Variants in CRTAC1 observed in about 807,000 individuals in gnomAD.
CRTAC1 encodes acidic secreted protein in cartilage.
In CRTAC1, 37 loss-of-function variants were observed where a neutral mutation model predicts 67.8. The ratio of observed to expected loss-of-function variants is 0.55; its 90% CI spans 0.42 to 0.72. The LOEUF is 0.72. Among genes scored for constraint, CRTAC1 ranks in the 30% least tolerant of loss-of-function variants. The pLI is 0.00. For synonymous variants in CRTAC1, 348 were observed against 371.0 expected (o/e 0.94, Z 0.71); for missense variants, 780 against 931.6 (o/e 0.84, Z 2.12).
chr10:98,012,039 C>G (rs1054160229), intron 1 of CRTAC1, among the ~76,000 whole-genome samples: 4 of 152,122 alleles, frequency 2.6e-5, no homozygotes, highest in African/African-American at 7.2e-5. Flanking sequence ...ACATCCCTCC[C>G]TAGGGCAGCT....
intron 2 of CRTAC1, among the ~76,000 whole-genome samples, chr10:97,944,094 G>A (rs1446432535): frequency 1.3e-5 from 2 of 152,168 alleles, no homozygotes; most frequent in Non-Finnish European, 2.9e-5. Flanking sequence ...GATGGCGACT[G>A]TAAGGCAAGA....
rs1018036916 is a variant in CRTAC1, at chr10:97,932,792, GT to G, written c.421+3377del. Among the ~76,000 whole-genome samples, 12 of 152,338 alleles carry G rather than the reference GT, an allele frequency of 7.9e-5. No homozygotes were observed. In the East Asian group the frequency reaches 2.1e-3, roughly 27 times the overall value. On this transcript the variant is annotated intron_variant, in intron 3 of 14. Transcript: ENST00000370597. ...TTGGATATAGTCTATGGCGCCACTAGTGGGAGTTGAGCTTAAGAAGTTGGCA... is the reference window on the plus strand; with the variant it reads ...TTGGATATAGTCTATGGCGCCACTAGGGGAGTTGAGCTTAAGAAGTTGGCA...
intron 2 of CRTAC1, among the ~76,000 whole-genome samples, chr10:97,981,370 A>C (rs2051888376): frequency 6.6e-6 from 1 of 152,198 alleles, no homozygotes; most frequent in Non-Finnish European, 1.5e-5. Flanking sequence ...AATGTTTTGC[A>C]AAGTTGGGAT....
intron 3 of CRTAC1, among the ~76,000 whole-genome samples, chr10:97,935,326 G>A (rs2051069729): frequency 6.6e-6 from 1 of 152,188 alleles, no homozygotes; most frequent in South Asian, 2.1e-4. Flanking sequence ...ACACGCAATA[G>A]GTGCTACTTA....
intron 2 of CRTAC1, among the ~76,000 whole-genome samples, chr10:97,947,232 G>A (rs1011745992): frequency 2.2e-4 from 34 of 152,186 alleles, no homozygotes; most frequent in Non-Finnish European, 1.2e-4. Context: ...CACACCGCGA[G>A]GTACTGTGAT....
At chr10:97,878,486 T>C (rs931673903) in intron 14 of CRTAC1, 83 of 721,616 alleles carry the variant, frequency 1.2e-4, no homozygotes, top group Non-Finnish European at 1.5e-4. Flanking sequence ...AAAGGGTTGC[T>C]GCATTCTTAA....
intron 14 of CRTAC1, among the ~76,000 whole-genome samples, chr10:97,875,189 G>A (rs1052188247): frequency 6.6e-6 from 1 of 152,238 alleles, no homozygotes; most frequent in Non-Finnish European, 1.5e-5. Context: ...TGCCACTTTA[G>A]CTAGCTATGT....
intron 3 of CRTAC1, among the ~76,000 whole-genome samples, chr10:97,923,717 C>T (rs565670019): frequency 6.6e-6 from 1 of 152,274 alleles, no homozygotes; most frequent in Non-Finnish European, 1.5e-5. Flanking sequence ...CCCCGTGCTC[C>T]TGCAACAGCA....
chr10:97,980,870 A>C (rs1590260241), intron 2 of CRTAC1, among the ~76,000 whole-genome samples: 1 of 152,342 alleles, frequency 6.6e-6, no homozygotes, highest in East Asian at 1.9e-4. Flanking sequence ...AGAGCGGCTG[A>C]ATAAGAATGA....
chr10:97,955,776 G>A (rs565322131), intron 2 of CRTAC1, among the ~76,000 whole-genome samples: 2 of 152,250 alleles, frequency 1.3e-5, no homozygotes, highest in Admixed American at 1.3e-4. Flanking sequence ...TGTTATCTAC[G>A]CTGTGCCCAA....
At chr10:97,920,627 A>G (rs949227498) in intron 4 of CRTAC1, among the ~76,000 whole-genome samples, 2 of 152,144 alleles carry the variant, frequency 1.3e-5, no homozygotes, top group African/African-American at 4.8e-5. Context: ...TGGGAACCAC[A>G]CTTTTGAGAA....
intron 3 of CRTAC1, among the ~76,000 whole-genome samples, chr10:97,925,116 CA>C (rs1459212291): frequency 6.6e-6 from 1 of 152,068 alleles, no homozygotes; most frequent in Non-Finnish European, 1.5e-5. Context: ...CCCTCCCCCT[CA>C]AAAATTAGCC....
chr10:98,020,963 C>G (rs556850231), intron 1 of CRTAC1, among the ~76,000 whole-genome samples: 79 of 152,286 alleles, frequency 5.2e-4, no homozygotes, highest in African/African-American at 1.9e-3. Flanking sequence ...AGTTAGGAGG[C>G]AAATACTGTG....
intron 2 of CRTAC1, among the ~76,000 whole-genome samples, chr10:97,995,270 G>A (rs1319345840): frequency 1.3e-5 from 2 of 151,970 alleles, no homozygotes; most frequent in African/African-American, 2.4e-5. Context: ...GGGGCTTCCT[G>A]CACATACATG....
chr10:97,981,203 T>C (rs2051886148), intron 2 of CRTAC1, among the ~76,000 whole-genome samples: 1 of 152,212 alleles, frequency 6.6e-6, no homozygotes, highest in Non-Finnish European at 1.5e-5. Context: ...TTAAAAGTCT[T>C]TCCTGATTAT....
intron 1 of CRTAC1, among the ~76,000 whole-genome samples, chr10:98,019,166 G>A (rs897399653): frequency 1.3e-5 from 2 of 152,148 alleles, no homozygotes; most frequent in Non-Finnish European, 2.9e-5. Flanking sequence ...GCAGGAGGAG[G>A]AGCAGGAAGG....
intron 2 of CRTAC1, among the ~76,000 whole-genome samples, chr10:97,938,130 C>T (rs73332567): frequency 0.018 from 2,680 of 152,160 alleles, 67 homozygotes; most frequent in African/African-American, 0.06. Context: ...AGTCAGCGCC[C>T]GGTGATGGAA....
chr10:98,019,965 A>C (rs1843082585), intron 1 of CRTAC1, among the ~76,000 whole-genome samples: 1 of 152,178 alleles, frequency 6.6e-6, no homozygotes, highest in South Asian at 2.1e-4. Flanking sequence ...TCAGCCTGGA[A>C]ATCTGGCACC....
intron 5 of CRTAC1, among the ~76,000 whole-genome samples, chr10:97,910,026 T>G (rs927122987): frequency 6.6e-6 from 1 of 150,380 alleles, no homozygotes; most frequent in Non-Finnish European, 1.5e-5. Flanking sequence ...AAGAAGAGAG[T>G]AGAATAGTGT....
Sources: allele counts gnomAD v4.1 joint callset (sites outside exome capture counted in the v4.1 genomes callset), GRCh38; gene constraint gnomAD v4.1.1; transcripts MANE v1.5; gene names NCBI Gene and HGNC (gene_info 2026-07-23, HGNC 2026-07-21).